The following COMMD1 variants were observed in gnomAD, a reference collection of about 807,000 sequenced individuals.
COMMD1 encodes copper metabolism domain containing 1.
COMMD1 carries 10 observed loss-of-function variants against 17.2 expected under a neutral mutation model. The observed-to-expected ratio is 0.58, with a 90% CI of 0.36 to 0.99. The LOEUF is 0.99. Ranked by LOEUF, COMMD1 falls within the 50% of genes least tolerant of loss-of-function variation. The probability of loss-of-function intolerance (pLI) is 0.01; values close to 1 mark genes in which losing one functional copy is unlikely to be tolerated. For synonymous variants in COMMD1, 97 were observed against 91.6 expected (o/e 1.06, Z -0.34); for missense variants, 270 against 231.8 (o/e 1.17, Z -1.07).
At chr2:61,927,801 G>A (rs1670366758) in intron 1 of COMMD1, among the ~76,000 whole-genome samples, 1 of 150,272 alleles carries the variant, frequency 6.7e-6, no homozygotes, top group African/African-American at 2.5e-5. Context: ...TTGAGACTGA[G>A]TTTCACTCTT....
chr2:61,963,129 T>C (rs1410044892), intron 1 of COMMD1, among the ~76,000 whole-genome samples: 2 of 149,696 alleles, frequency 1.3e-5, no homozygotes, highest in Non-Finnish European at 1.5e-5. Context: ...CACTGTGCTC[T>C]AGCCTGGGTG....
chr2:61,955,322 C>T (rs1572999006), intron 1 of COMMD1, among the ~76,000 whole-genome samples: 2 of 151,646 alleles, frequency 1.3e-5, no homozygotes, highest in South Asian at 2.1e-4. Context: ...TTCTCTCTCT[C>T]TCTCTCTCTC....
At chr2:62,045,253 A>G (rs190622518) in intron 2 of COMMD1, among the ~76,000 whole-genome samples, 1 of 152,332 alleles carries the variant, frequency 6.6e-6, no homozygotes, top group East Asian at 1.9e-4. Flanking sequence ...CAGTTGAGCC[A>G]TGAATCACAG....
chr2:61,994,544 C>T (rs1668697442), intron 1 of COMMD1, among the ~76,000 whole-genome samples: 1 of 151,996 alleles, frequency 6.6e-6, no homozygotes, highest in African/African-American at 2.4e-5. Flanking sequence ...CCACTGCCAC[C>T]ACCCTCTTTT....
At position 62,129,532 on chromosome 2, in the gene COMMD1, A is replaced by G. The variant is rs537836431; in HGVS notation, c.463-6299A>G. On this transcript the variant is annotated intron_variant, in intron 2 of 2. Transcript: ENST00000311832. The stretch of plus-strand genomic sequence containing the variant: ...CTCTTGAAGTAAAGGAGCAGTATCA[A>G]TGATAATTGTAAGAAAGCCACAGAA... 2.0e-3 allele frequency among the ~76,000 whole-genome samples: 305 copies of G among 152,348 alleles called. 1 individual carries two copies. Among genetic ancestry groups the G allele is most frequent in the African/African-American group, 6.8e-3 (284 of 41,580 alleles).
chr2:62,032,739 CTCTT>C lies in COMMD1; in HGVS notation c.462+31761_462+31764del, dbSNP rs373728232. Among the ~76,000 whole-genome samples, 728 of 152,198 alleles carry C rather than the reference CTCTT, an allele frequency of 4.8e-3. 9 individuals are homozygous for C. The highest frequency in any genetic ancestry group is 0.016 in the African/African-American group (677 of 41,524). ...TTCTTTCTCTCCTTCTCTCCTCTCTCTCTTTCTCTCTTTCACTCCTTCCTTCCTT... is the reference window on the plus strand; with the variant it reads ...TTCTTTCTCTCCTTCTCTCCTCTCTCTCTCTCTTTCACTCCTTCCTTCCTT... On this transcript the variant is annotated intron_variant, in intron 2 of 2. Transcript: ENST00000311832.
chr2:62,038,952 TTGTG>T (rs1231023733), intron 2 of COMMD1, among the ~76,000 whole-genome samples: 2 of 152,186 alleles, frequency 1.3e-5, no homozygotes, highest in Non-Finnish European at 2.9e-5. Flanking sequence ...GCATATATAG[TTGTG>T]TGTATGTATT....
intron 1 of COMMD1, among the ~76,000 whole-genome samples, chr2:61,911,412 G>T (rs1040193796): frequency 2.6e-5 from 4 of 152,078 alleles, no homozygotes; most frequent in South Asian, 4.1e-4. Flanking sequence ...GGAGGTGGAG[G>T]TTGCAGTGAG....
At chr2:62,063,792 G>A (rs1045161635) in intron 2 of COMMD1, among the ~76,000 whole-genome samples, 5 of 144,738 alleles carry the variant, frequency 3.5e-5, no homozygotes, top group South Asian at 2.2e-4. Context: ...ATTCTATTTC[G>A]CTTTTTTTTC....
intron 2 of COMMD1, among the ~76,000 whole-genome samples, chr2:62,047,160 C>G (rs1670405480): frequency 6.6e-6 from 1 of 152,176 alleles, no homozygotes; most frequent in Admixed American, 6.5e-5. Context: ...GCACTTTTCT[C>G]ATACACAGTC....
At chr2:61,955,306 C>T (rs1195756770) in intron 1 of COMMD1, among the ~76,000 whole-genome samples, 1 of 140,358 alleles carries the variant, frequency 7.1e-6, no homozygotes, top group Non-Finnish European at 1.5e-5. Context: ...AAGTTCCTCT[C>T]TCTCTTTCTC....
At chr2:62,089,835 A>G (rs1280103360) in intron 2 of COMMD1, among the ~76,000 whole-genome samples, 1 of 152,176 alleles carries the variant, frequency 6.6e-6, no homozygotes, top group African/African-American at 2.4e-5. Flanking sequence ...GCCAAAAAGC[A>G]TTCCTCAGAA....
chr2:62,003,638 A>ACACACACC (rs1393950755), intron 2 of COMMD1, among the ~76,000 whole-genome samples: 1 of 148,466 alleles, frequency 6.7e-6, no homozygotes, highest in Non-Finnish European at 1.5e-5. Context: ...ACACACACAC[A>ACACACACC]CACCCAACAG....
At chr2:62,003,842 G>C (rs751889140) in intron 2 of COMMD1, among the ~76,000 whole-genome samples, 2 of 152,124 alleles carry the variant, frequency 1.3e-5, no homozygotes, top group Admixed American at 1.3e-4. Flanking sequence ...ACTATCATAG[G>C]TTTCTAGGTT....
At chr2:61,968,982 G>C (rs892830121) in intron 1 of COMMD1, 2 of 351,392 alleles carry the variant, frequency 5.7e-6, no homozygotes, top group Non-Finnish European at 1.1e-5. Flanking sequence ...GGATCTTGCT[G>C]TGTTGCCCAG....
intron 2 of COMMD1, among the ~76,000 whole-genome samples, chr2:62,019,449 A>G (rs903807245): frequency 2.6e-5 from 4 of 152,134 alleles, no homozygotes; most frequent in African/African-American, 9.7e-5. Context: ...TGCTGGGATT[A>G]TAGGTGTGAG....
intron 1 of COMMD1, among the ~76,000 whole-genome samples, chr2:61,974,402 G>A (rs191674655): frequency 2.0e-5 from 3 of 151,746 alleles, no homozygotes; most frequent in Admixed American, 1.3e-4. Flanking sequence ...GGCCGGGCTC[G>A]GTGGCTCACG....
intron 2 of COMMD1, among the ~76,000 whole-genome samples, chr2:62,078,960 A>G (rs1671438915): frequency 6.6e-6 from 1 of 152,112 alleles, no homozygotes; most frequent in Non-Finnish European, 1.5e-5. Context: ...TAGAGAGAAT[A>G]GGTTGTAAAA....
At chr2:61,905,954 C>CTTTCGGCTTGT in intron 1 of COMMD1, 96 bp downstream of exon 1, 2 of 1,281,636 alleles carry the variant, frequency 1.6e-6, no homozygotes, top group Non-Finnish European at 2.2e-6. Flanking sequence ...CCTCACAAGC[C>CTTTCGGCTTGT]GAAAGGCTTT....
Sources: allele counts gnomAD v4.1 joint callset (sites outside exome capture counted in the v4.1 genomes callset), GRCh38; gene constraint gnomAD v4.1.1; transcripts MANE v1.5; gene names NCBI Gene and HGNC (gene_info 2026-07-23, HGNC 2026-07-21).